The following MDGA2 variants were observed in gnomAD, a reference collection of about 807,000 sequenced individuals.
MDGA2 encodes the protein MAM domain-containing glycosylphosphatidylinositol anchor protein 2.
MDGA2 carries 40 observed loss-of-function variants against 117.8 expected under a neutral mutation model. The observed-to-expected ratio is 0.34, with a 90% confidence interval of 0.26 to 0.44. The LOEUF (loss-of-function observed/expected upper bound fraction) is 0.44. Ranked by LOEUF, MDGA2 falls within the 20% of genes least tolerant of loss-of-function variation. The probability of loss-of-function intolerance (pLI) is 1.00; values close to 1 mark genes in which losing one functional copy is unlikely to be tolerated. For missense variants in MDGA2, 1,123 were observed against 1,250.6 expected, an observed-to-expected ratio of 0.90 and a Z score of 1.54; for synonymous variants, 452 against 439.0, an observed-to-expected ratio of 1.03 and a Z score of -0.37.
At chr14:47,417,956 C>T (rs956146732) in intron 1 of MDGA2, among the ~76,000 whole-genome samples, 6 of 151,946 alleles carry the variant, frequency 3.9e-5, no homozygotes, top group Non-Finnish European at 8.8e-5. Flanking sequence ...TCATGTAGTC[C>T]TCCTGCTGGA....
At chr14:47,053,601 G>GTGTATA (rs1889534604) in intron 7 of MDGA2, among the ~76,000 whole-genome samples, 2 of 107,616 alleles carry the variant, frequency 1.9e-5, no homozygotes, top group Non-Finnish European at 3.7e-5. Flanking sequence ...GTGTGTATGT[G>GTGTATA]TATATATATA....
At chr14:47,636,033 A>G (rs1331005118) in intron 1 of MDGA2, among the ~76,000 whole-genome samples, 1 of 152,224 alleles carries the variant, frequency 6.6e-6, no homozygotes, top group African/African-American at 2.4e-5. Context: ...TCGAGCAACT[A>G]AGAAGCAGCA....
intron 2 of MDGA2, among the ~76,000 whole-genome samples, chr14:47,251,423 G>T (rs2139642687): frequency 6.6e-6 from 1 of 152,206 alleles, no homozygotes; most frequent in South Asian, 2.1e-4. Context: ...ACCTTCAAAA[G>T]TTAGAACAGT....
chr14:47,283,692 T>G (rs1888576793), intron 2 of MDGA2, among the ~76,000 whole-genome samples: 1 of 152,222 alleles, frequency 6.6e-6, no homozygotes, highest in Non-Finnish European at 1.5e-5. Flanking sequence ...GAGACTATAC[T>G]TTTGTTTTTG....
chr14:47,272,841 A>G (rs1888190371), intron 2 of MDGA2, among the ~76,000 whole-genome samples: 1 of 152,168 alleles, frequency 6.6e-6, no homozygotes, highest in Non-Finnish European at 1.5e-5. Context: ...CAATATACAT[A>G]TGAGGTAGGT....
At chr14:47,364,434 T>G (rs1443247513) in intron 1 of MDGA2, among the ~76,000 whole-genome samples, 2 of 152,040 alleles carry the variant, frequency 1.3e-5, no homozygotes, top group African/African-American at 4.8e-5. Flanking sequence ...CCAGCTAATT[T>G]TTTGTATTTT....
At chr14:46,969,971 T>C (rs1886199779) in intron 8 of MDGA2, among the ~76,000 whole-genome samples, 1 of 103,346 alleles carries the variant, frequency 9.7e-6, no homozygotes, top group Non-Finnish European at 2.1e-5. Flanking sequence ...TATATATATA[T>C]ATATATGGAA....
intron 8 of MDGA2, among the ~76,000 whole-genome samples, chr14:46,977,837 AT>A (rs1008672825): frequency 1.5e-4 from 18 of 124,072 alleles, no homozygotes; most frequent in Non-Finnish European, 2.6e-4. Flanking sequence ...GGTAAAAAAA[AT>A]ATCCTTGAAA....
At chr14:46,927,241 G>A (rs972307692) in intron 9 of MDGA2, among the ~76,000 whole-genome samples, 1 of 152,058 alleles carries the variant, frequency 6.6e-6, no homozygotes, top group Non-Finnish European at 1.5e-5. Flanking sequence ...TATACTCATC[G>A]CTGTTATCTA....
In MDGA2 at chr14:47,061,346, T is replaced by C; in HGVS notation, c.1428A>G (p.Leu476=). 1 of 1,613,654 alleles carries C rather than the reference T, an allele frequency of 6.2e-7. No individual in the cohort carries two copies. Among genetic ancestry groups the C allele is most frequent in the Non-Finnish European group, 8.5e-7 (1 of 1,179,664 alleles). The change falls in exon 7 of 17, where the codon TTA becomes TTG. Residue 476 remains leucine (L), a synonymous_variant. Coordinates refer to ENST00000399232, the MANE Select transcript of MDGA2 (RefSeq NM_001113498.3). ...PGTTNLDIID[L]KFTDFGTYTC... is the part of the protein sequence containing the mutation. Reference sequence around the variant, plus strand: ...TGTACGTCCCAAAATCCGTGAATTTTAAATCAATGATGTCCAAGTTTGTTG... The same window carrying C: ...TGTACGTCCCAAAATCCGTGAATTTCAAATCAATGATGTCCAAGTTTGTTG...
chr14:47,253,740 C>A (rs1471105595), intron 2 of MDGA2, among the ~76,000 whole-genome samples: 2 of 152,194 alleles, frequency 1.3e-5, no homozygotes, highest in Non-Finnish European at 2.9e-5. Context: ...CTAGGCAGTG[C>A]CCCCATGGAG....
At chr14:47,525,297 T>C (rs919478314) in intron 1 of MDGA2, among the ~76,000 whole-genome samples, 4 of 152,214 alleles carry the variant, frequency 2.6e-5, no homozygotes, top group Non-Finnish European at 4.4e-5. Context: ...GTCCAGTCTC[T>C]TGGTCTTTTA....
chr14:46,936,558 A>G (rs1884788951), intron 9 of MDGA2, among the ~76,000 whole-genome samples: 1 of 152,118 alleles, frequency 6.6e-6, no homozygotes, highest in Non-Finnish European at 1.5e-5. Context: ...TAGAAATTTA[A>G]TTTATTTTTG....
At chr14:47,426,613 G>A (rs1490698256) in intron 1 of MDGA2, among the ~76,000 whole-genome samples, 3 of 150,346 alleles carry the variant, frequency 2.0e-5, no homozygotes, top group Non-Finnish European at 4.4e-5. Flanking sequence ...TTAATATTTT[G>A]TAAAAAACAT....
intron 1 of MDGA2, among the ~76,000 whole-genome samples, chr14:47,572,121 G>A (rs1011610624): frequency 6.6e-6 from 1 of 152,114 alleles, no homozygotes; most frequent in Non-Finnish European, 1.5e-5. Flanking sequence ...TAGAATCTGA[G>A]GCTATTCAAT....
At chr14:47,051,028 T>C (rs1889439221) in intron 7 of MDGA2, among the ~76,000 whole-genome samples, 1 of 151,998 alleles carries the variant, frequency 6.6e-6, no homozygotes, top group Non-Finnish European at 1.5e-5. Flanking sequence ...ACAATGACCA[T>C]TTCTTGCAAG....
intron 9 of MDGA2, among the ~76,000 whole-genome samples, chr14:46,936,488 A>G (rs1274334790): frequency 1.3e-5 from 2 of 152,138 alleles, no homozygotes; most frequent in African/African-American, 2.4e-5. Context: ...AAATACCAAC[A>G]TACAAAATCT....
chr14:47,597,845 T>TACACACACACACACACAC (rs35221587), intron 1 of MDGA2, among the ~76,000 whole-genome samples: 1 of 141,290 alleles, frequency 7.1e-6, no homozygotes, highest in African/African-American at 2.6e-5. Flanking sequence ...CACACACACA[T>TACACACACACACACACAC]ACACACACAC....
intron 6 of MDGA2, among the ~76,000 whole-genome samples, chr14:47,084,498 TAAAA>T (rs35071143): frequency 3.6e-5 from 5 of 139,656 alleles, no homozygotes; most frequent in Admixed American, 1.4e-4. Flanking sequence ...CAGCAAAAAT[TAAAA>T]AAAAAAAAAA....
Sources: gnomAD v4.1 joint callset for allele counts (sites outside exome capture counted in the v4.1 genomes callset) on GRCh38, gnomAD v4.1.1 for gene constraint, MANE v1.5 for transcripts, NCBI Gene and HGNC (gene_info 2026-07-23, HGNC 2026-07-21) for gene names.